SETBP1: variants seen among roughly 807,000 people sequenced by gnomAD.
SETBP1 encodes SET binding protein 1, also known as SET-binding protein.
SETBP1 carries 9 observed loss-of-function variants against 101.0 expected under a neutral mutation model. The ratio of observed to expected loss-of-function variants is 0.09; its 90% CI spans 0.05 to 0.16. The LOEUF is 0.16. Among genes scored for constraint, SETBP1 ranks in the 10% least tolerant of loss-of-function variants. The pLI is 1.00. For missense variants in SETBP1, 1,858 were observed against 2,033.8 expected, an observed-to-expected ratio of 0.91 and a Z score of 1.66; for synonymous variants, 818 against 788.5, an observed-to-expected ratio of 1.04 and a Z score of -0.63.
chr18:44,945,627 C>T (rs1378762203), intron 3 of SETBP1, among the ~76,000 whole-genome samples: 1 of 152,106 alleles, frequency 6.6e-6, no homozygotes, highest in Non-Finnish European at 1.5e-5. Context: ...AGTTTGGTAT[C>T]GAAAGTTTTC....
intron 2 of SETBP1, among the ~76,000 whole-genome samples, chr18:44,753,937 G>A (rs1039445591): frequency 6.6e-6 from 1 of 152,194 alleles, no homozygotes; most frequent in South Asian, 2.1e-4. Context: ...TTGGCTGTTC[G>A]AAGGTAGCTT....
chr18:44,882,568 A>G lies in SETBP1; in HGVS notation c.540+13285A>G, dbSNP rs139378445. Among the ~76,000 whole-genome samples, 954 of 152,102 alleles carry G rather than the reference A, an allele frequency of 6.3e-3. 7 individuals carry two copies. Among genetic ancestry groups the G allele is most frequent in the Non-Finnish European group, 9.8e-3 (663 of 67,990 alleles). On this transcript the variant is annotated intron_variant, in intron 3 of 5. Transcript: ENST00000649279. The stretch of plus-strand genomic sequence containing the variant: ...ATGATAAAGGCCTCTTTGCCTGCAA[A>G]GAAAGAATTCTCCAAATTCAAAAGC...
intron 4 of SETBP1, among the ~76,000 whole-genome samples, chr18:44,992,684 A>T (rs768966160): frequency 5.3e-5 from 8 of 152,162 alleles, no homozygotes; most frequent in Non-Finnish European, 8.8e-5. Context: ...ATTTCCCTTT[A>T]ATCATTAAAT....
intron 4 of SETBP1, among the ~76,000 whole-genome samples, chr18:44,979,802 A>C (rs987902889): frequency 6.6e-6 from 1 of 152,212 alleles, no homozygotes; most frequent in East Asian, 1.9e-4. Flanking sequence ...TTTTTTCTTA[A>C]CACCATCTAT....
chr18:44,891,535 GCA>G (rs979200888), intron 3 of SETBP1, among the ~76,000 whole-genome samples: 1 of 152,032 alleles, frequency 6.6e-6, no homozygotes, highest in Non-Finnish European at 1.5e-5. Context: ...ATGGGGCTTT[GCA>G]CCAGCCACAG....
chr18:44,783,597 T>A (rs1453391572), intron 2 of SETBP1, among the ~76,000 whole-genome samples: 1 of 152,234 alleles, frequency 6.6e-6, no homozygotes, highest in Non-Finnish European at 1.5e-5. Flanking sequence ...ACAGAGCCTA[T>A]GCACAAAAAC....
intron 4 of SETBP1, among the ~76,000 whole-genome samples, chr18:44,971,539 T>C (rs910215717): frequency 4.6e-5 from 7 of 152,200 alleles, no homozygotes; most frequent in African/African-American, 1.7e-4. Context: ...CAGCAACTGT[T>C]GTTTCCTGAC....
intron 3 of SETBP1, among the ~76,000 whole-genome samples, chr18:44,926,812 C>G (rs866896694): frequency 6.6e-6 from 1 of 152,274 alleles, no homozygotes; most frequent in Admixed American, 6.5e-5. Flanking sequence ...AGGAGATAGT[C>G]AAGCCATCAA....
At chr18:44,794,258 A>C (rs1021651551) in intron 2 of SETBP1, among the ~76,000 whole-genome samples, 2 of 141,376 alleles carry the variant, frequency 1.4e-5, no homozygotes, top group Admixed American at 6.9e-5. Context: ...TCTGTGATGG[A>C]TACAGCTGTA....
chr18:44,848,538 T>C, intron 2 of SETBP1, among the ~76,000 whole-genome samples: 1 of 152,204 alleles, frequency 6.6e-6, no homozygotes, highest in African/African-American at 2.4e-5. Flanking sequence ...AGAAGACCTG[T>C]GAACTCACCA....
chr18:44,792,037 C>T (rs2071382795), intron 2 of SETBP1, among the ~76,000 whole-genome samples: 2 of 152,264 alleles, frequency 1.3e-5, no homozygotes, highest in East Asian at 3.9e-4. Context: ...CTGTCTGCCT[C>T]TGCTCCATTT....
intron 4 of SETBP1, among the ~76,000 whole-genome samples, chr18:45,009,656 G>A (rs2072798905): frequency 6.6e-6 from 1 of 152,082 alleles, no homozygotes; most frequent in African/African-American, 2.4e-5. Context: ...TTTGCAGGAA[G>A]ATTCATATCT....
intron 3 of SETBP1, among the ~76,000 whole-genome samples, chr18:44,886,428 G>T (rs1440125301): frequency 7.9e-5 from 12 of 152,124 alleles, no homozygotes; most frequent in Non-Finnish European, 4.4e-5. Context: ...CTTTGTCCAA[G>T]ATGTTCCTCA....
At chr18:44,713,944 C>T (rs2069402261) in intron 2 of SETBP1, among the ~76,000 whole-genome samples, 4 of 152,180 alleles carry the variant, frequency 2.6e-5, no homozygotes, top group African/African-American at 7.2e-5. Flanking sequence ...TTGCCCAACT[C>T]AGTCAGAAAT....
chr18:44,860,077 C>T (rs1172413224), intron 2 of SETBP1, among the ~76,000 whole-genome samples: 1 of 152,156 alleles, frequency 6.6e-6, no homozygotes. Flanking sequence ...TCCTGGGATT[C>T]ACCAAGGGGA....
intron 2 of SETBP1, among the ~76,000 whole-genome samples, chr18:44,829,349 A>C (rs945131336): frequency 1.3e-5 from 2 of 152,362 alleles, no homozygotes; most frequent in South Asian, 4.1e-4. Flanking sequence ...GGTCAAGTAT[A>C]ATTCTATTGA....
intron 3 of SETBP1, among the ~76,000 whole-genome samples, chr18:44,910,173 AGGAG>A (rs1431953378): frequency 2.0e-5 from 3 of 152,186 alleles, no homozygotes; most frequent in Non-Finnish European, 2.9e-5. Flanking sequence ...TAACTGGAGC[AGGAG>A]GTTCTCACTA....
intron 2 of SETBP1, among the ~76,000 whole-genome samples, chr18:44,833,007 G>A (rs2072409373): frequency 6.6e-6 from 1 of 152,220 alleles, no homozygotes; most frequent in African/African-American, 2.4e-5. Context: ...CTGTGCCACT[G>A]TGTCTTACTG....
chr18:44,916,627 C>T (rs377428007), intron 3 of SETBP1, among the ~76,000 whole-genome samples: 4 of 152,148 alleles, frequency 2.6e-5, no homozygotes, highest in Non-Finnish European at 5.9e-5. Context: ...TTGGTGAATA[C>T]GGCATAAAGT....
Sources: allele counts gnomAD v4.1 joint callset (sites outside exome capture counted in the v4.1 genomes callset), GRCh38; gene constraint gnomAD v4.1.1; transcripts MANE v1.5; gene names NCBI Gene and HGNC (gene_info 2026-07-23, HGNC 2026-07-21).